Variants in DPP6 observed in about 807,000 individuals in gnomAD.
The protein encoded by DPP6 is dipeptidyl peptidase like 6, also known as A-type potassium channel modulatory protein DPP6.
A neutral mutation model predicts 122.6 loss-of-function variants in DPP6; 69 were observed. The observed-to-expected ratio is 0.56, with a 90% CI of 0.46 to 0.69. The LOEUF (loss-of-function observed/expected upper bound fraction) is 0.69, where lower values mean the gene tolerates loss of function less well. Ranked by LOEUF, DPP6 falls within the 30% of genes least tolerant of loss-of-function variation. The pLI is 0.00. For missense variants in DPP6, 928 were observed against 1,116.9 expected (o/e 0.83, Z 2.41); for synonymous variants, 418 against 433.1 (o/e 0.97, Z 0.43).
intron 3 of DPP6, among the ~76,000 whole-genome samples, chr7:154,517,579 A>C (rs1826625537): frequency 6.6e-6 from 1 of 152,128 alleles, no homozygotes; most frequent in Admixed American, 6.6e-5. Context: ...TATGAGAGTT[A>C]CTAATGTTGA....
chr7:154,633,869 TC>T (rs1272605494), intron 5 of DPP6, among the ~76,000 whole-genome samples: 1 of 152,182 alleles, frequency 6.6e-6, no homozygotes, highest in East Asian at 1.9e-4. Flanking sequence ...CACTTGCACT[TC>T]CACGCTGAAG....
At chr7:153,836,944 T>C in the DPP6 span, among the ~76,000 whole-genome samples, 1 of 152,136 alleles carries the variant, frequency 6.6e-6, no homozygotes, top group South Asian at 2.1e-4. Context: ...CATAAGAGAG[T>C]GGCTGCTGCG....
chr7:154,285,306 C>T (rs1804777466), intron 1 of DPP6, among the ~76,000 whole-genome samples: 1 of 151,816 alleles, frequency 6.6e-6, no homozygotes, highest in Non-Finnish European at 1.5e-5. Context: ...CTCTTGTCAC[C>T]CAGGCTGGAG....
intron 1 of DPP6, among the ~76,000 whole-genome samples, chr7:154,008,855 C>T (rs1313218106): frequency 2.6e-5 from 4 of 151,364 alleles, no homozygotes; most frequent in African/African-American, 7.3e-5. Context: ...TTAGTAGAGA[C>T]GGGGTTTCAC....
intron 1 of DPP6, among the ~76,000 whole-genome samples, chr7:154,331,747 C>G (rs1808962965): frequency 6.6e-6 from 1 of 152,118 alleles, no homozygotes; most frequent in African/African-American, 2.4e-5. Context: ...GCAGGTGTGG[C>G]CAAATATAGA....
intron 1 of DPP6, among the ~76,000 whole-genome samples, chr7:154,129,612 A>G (rs1208100456): frequency 6.6e-6 from 1 of 152,206 alleles, no homozygotes; most frequent in East Asian, 1.9e-4. Flanking sequence ...AAAATAAAAA[A>G]TTAGCGGCCG....
intron 1 of DPP6, among the ~76,000 whole-genome samples, chr7:153,965,877 T>C (rs1563057016): frequency 7.1e-6 from 1 of 140,578 alleles, no homozygotes; most frequent in Non-Finnish European, 1.6e-5. Flanking sequence ...GCTTGCTTTG[T>C]ACAAAAAAAG....
At chr7:154,027,143 A>G (rs1160631975) in intron 1 of DPP6, 1 of 148,906 alleles carries the variant, frequency 6.7e-6, no homozygotes, top group African/African-American at 2.5e-5. Context: ...TAAACATAGC[A>G]TGAGTACTTT....
At chr7:154,334,601 T>A (rs1036003278) in intron 1 of DPP6, among the ~76,000 whole-genome samples, 15 of 151,832 alleles carry the variant, frequency 9.9e-5, no homozygotes, top group East Asian at 1.9e-4. Context: ...ATCCAGAATT[T>A]AAAAAAAATA....
rs1843614249 is a variant in DPP6, at chr7:154,755,428, T to C, written c.884-13989T>C. Among the ~76,000 whole-genome samples, 1 of 152,132 alleles carries C rather than the reference T, an allele frequency of 6.6e-6. No individual in the cohort carries two copies. The highest frequency in any genetic ancestry group is 1.5e-5 in the Non-Finnish European group (1 of 68,018). ...TGTCTCTGTCAGTATTTCCCATGGG[T>C]TATCTCTCACTTACTAGCTGTGTGA... On this transcript the variant is annotated intron_variant, in intron 8 of 25. Transcript: ENST00000377770. The surrounding 1 kb of genome is among the most constrained non-coding windows in gnomAD (Gnocchi z 4.7).
chr7:153,934,590 A>G (rs1235016332), intron 1 of DPP6, among the ~76,000 whole-genome samples: 1 of 152,146 alleles, frequency 6.6e-6, no homozygotes, highest in African/African-American at 2.4e-5. Context: ...TCTGTAAAAT[A>G]TAGGGATATG....
At chr7:153,819,701 TGAAA>T in the DPP6 span, among the ~76,000 whole-genome samples, 6 of 152,298 alleles carry the variant, frequency 3.9e-5, no homozygotes, top group East Asian at 1.9e-4. Context: ...GGAGGACGGA[TGAAA>T]GAAAGAGAAT....
At chr7:154,697,388 T>G (rs964971621) in intron 7 of DPP6, among the ~76,000 whole-genome samples, 9 of 152,210 alleles carry the variant, frequency 5.9e-5, no homozygotes, top group African/African-American at 2.2e-4. Flanking sequence ...AAGTCCCATG[T>G]AGGCCTCCAG....
At chr7:154,721,775 G>A (rs1316952556) in intron 7 of DPP6, among the ~76,000 whole-genome samples, 3 of 152,156 alleles carry the variant, frequency 2.0e-5, no homozygotes, top group Non-Finnish European at 4.4e-5. Flanking sequence ...GACAGTAACA[G>A]CAACAGATGT....
At chr7:154,189,868 C>T (rs1318113816) in intron 1 of DPP6, among the ~76,000 whole-genome samples, 1 of 152,182 alleles carries the variant, frequency 6.6e-6, no homozygotes, top group Admixed American at 6.5e-5. Flanking sequence ...TTTCTCAAAG[C>T]TTTATGATTC....
Position 154,144,807 on chromosome 7 carries a change from C to G in DPP6, c.243+91744C>G, listed in dbSNP as rs937100649. Among the ~76,000 whole-genome samples the G allele has an allele frequency of 2.0e-5, 3 of 151,728 alleles. No homozygotes were observed. In the East Asian group the frequency reaches 5.8e-4, roughly 29 times the overall value. On this transcript the variant is annotated intron_variant, in intron 1 of 25. Transcript: ENST00000377770. ...AGAGGAAGAGACAGCGGAGCTTGCT[C>G]TCTCTGCCCTGTGAAGACATGGTGA...
At chr7:154,494,331 A>G (rs982326728) in intron 3 of DPP6, among the ~76,000 whole-genome samples, 2 of 151,188 alleles carry the variant, frequency 1.3e-5, no homozygotes, top group African/African-American at 4.8e-5. Flanking sequence ...ACTCCACCCT[A>G]GGCAACAGAG....
At chr7:153,992,610 C>T (rs1043313155) in intron 1 of DPP6, among the ~76,000 whole-genome samples, 4 of 152,252 alleles carry the variant, frequency 2.6e-5, no homozygotes, top group Admixed American at 6.5e-5. Flanking sequence ...GCCATCAGAT[C>T]ACTATGGAGA....
At chr7:154,439,230 G>A (rs981930927) in intron 1 of DPP6, among the ~76,000 whole-genome samples, 54 of 152,144 alleles carry the variant, frequency 3.5e-4, no homozygotes, top group East Asian at 7.7e-4. Context: ...TCTCAAAATC[G>A]CCTGTGGGTT....
Sources: allele counts gnomAD v4.1 joint callset (sites outside exome capture counted in the v4.1 genomes callset), GRCh38; gene constraint gnomAD v4.1.1; non-coding constraint Gnocchi (gnomAD v3.1); transcripts MANE v1.5; gene names NCBI Gene and HGNC (gene_info 2026-07-23, HGNC 2026-07-21).